RGPD4: variants seen among roughly 807,000 people sequenced by gnomAD.
RGPD4 encodes RANBP2 like and GRIP domain containing 4, also known as ranBP2-like and GRIP domain-containing protein 4.
A neutral mutation model predicts 141.1 loss-of-function variants in RGPD4; 84 were observed. The ratio of observed to expected loss-of-function variants is 0.60; its 90% CI spans 0.50 to 0.71. The LOEUF is 0.71. Ranked by LOEUF, RGPD4 falls within the 30% of genes least tolerant of loss-of-function variation. The probability of loss-of-function intolerance (pLI) is 0.00; values close to 1 mark genes in which losing one functional copy is unlikely to be tolerated. For missense variants in RGPD4, 918 were observed against 1,622.4 expected, an observed-to-expected ratio of 0.57 and a Z score of 7.46; for synonymous variants, 298 against 566.8, an observed-to-expected ratio of 0.53 and a Z score of 6.74.
At chr2:107,841,172 G>A (rs957133124) in intron 4 of RGPD4, among the ~76,000 whole-genome samples, 6 of 122,638 alleles carry the variant, frequency 4.9e-5, no homozygotes, top group Admixed American at 4.1e-4. Context: ...TCCCATATTG[G>A]GCGTGGCAAT....
intron 22 of RGPD4, among the ~76,000 whole-genome samples, chr2:107,889,534 G>GT (rs1459954198): frequency 7.5e-6 from 1 of 132,630 alleles, no homozygotes; most frequent in African/African-American, 2.9e-5. Flanking sequence ...AAAATACTAT[G>GT]TACAGTGTGA....
chr2:107,845,032 A>G (rs1418653420), intron 6 of RGPD4, among the ~76,000 whole-genome samples: 1 of 141,782 alleles, frequency 7.1e-6, no homozygotes, highest in African/African-American at 2.7e-5. Flanking sequence ...GACGGGGTTC[A>G]GGATGGTCTC....
chr2:107,887,067 A>G (rs1483369468), intron 22 of RGPD4, among the ~76,000 whole-genome samples: 2 of 147,634 alleles, frequency 1.4e-5, no homozygotes, highest in Non-Finnish European at 3.0e-5. Context: ...ACATGGCGAG[A>G]CCCTATGTCT....
intron 20 of RGPD4, among the ~76,000 whole-genome samples, chr2:107,873,773 A>G (rs1367104716): frequency 6.6e-6 from 1 of 151,580 alleles, no homozygotes; most frequent in East Asian, 1.9e-4. Context: ...GTTTCCTAAA[A>G]TGTTAAAAAA....
chr2:107,838,757 C>CTACA, intron 3 of RGPD4, 55 bp from the exon 4 acceptor site: 10 of 956,472 alleles, frequency 1.0e-5, no homozygotes, highest in African/African-American at 3.4e-5. Flanking sequence ...ATATATACTC[C>CTACA]TACATACATA....
intron 22 of RGPD4, among the ~76,000 whole-genome samples, chr2:107,885,079 T>A (rs1272106997): frequency 6.6e-6 from 1 of 152,178 alleles, no homozygotes; most frequent in Non-Finnish European, 1.5e-5. Flanking sequence ...ATAGCCACAA[T>A]AGTATTTTTG....
At chr2:107,853,973 C>A (rs1381374020) in intron 7 of RGPD4, among the ~76,000 whole-genome samples, 1 of 142,160 alleles carries the variant, frequency 7.0e-6, no homozygotes, top group Non-Finnish European at 1.5e-5. Flanking sequence ...TGGTCTTGAA[C>A]TCTGGGCTCA....
intron 22 of RGPD4, among the ~76,000 whole-genome samples, chr2:107,884,864 A>G (rs2581012): frequency 3.3e-5 from 5 of 152,144 alleles, no homozygotes; most frequent in African/African-American, 9.7e-5. Context: ...TGTTGCTGAT[A>G]CTTCTGGTCT....
At chr2:107,882,440 T>A (rs1334954301) in intron 21 of RGPD4, among the ~76,000 whole-genome samples, 3 of 151,434 alleles carry the variant, frequency 2.0e-5, no homozygotes, top group Non-Finnish European at 4.4e-5. Context: ...TGAAACTATC[T>A]CATAGTTGGA....
chr2:107,857,480 T>C (rs1682365553), intron 9 of RGPD4, among the ~76,000 whole-genome samples: 2 of 149,722 alleles, frequency 1.3e-5, no homozygotes, highest in South Asian at 4.3e-4. Context: ...TCACCTGGGC[T>C]GGAGTGTAGT....
intron 1 of RGPD4, among the ~76,000 whole-genome samples, chr2:107,829,621 G>A (rs1681392801): frequency 6.6e-6 from 1 of 152,076 alleles, no homozygotes; most frequent in South Asian, 2.1e-4. Context: ...CTCTGTTGAG[G>A]CGCCGGCCGG....
chr2:107,888,374 G>T (rs1283973035), intron 22 of RGPD4, among the ~76,000 whole-genome samples: 1 of 151,276 alleles, frequency 6.6e-6, no homozygotes, highest in African/African-American at 2.4e-5. Context: ...ACATACAACA[G>T]TGCATTTCAG....
chr2:107,886,116 G>T (rs1212017564), intron 22 of RGPD4, among the ~76,000 whole-genome samples: 2 of 145,132 alleles, frequency 1.4e-5, no homozygotes, highest in African/African-American at 5.1e-5. Flanking sequence ...AATTCAGCAT[G>T]GGAGAAACAA....
chr2:107,885,055 C>T (rs1336918460), intron 22 of RGPD4, among the ~76,000 whole-genome samples: 6 of 152,150 alleles, frequency 3.9e-5, no homozygotes, highest in East Asian at 3.9e-4. Context: ...CTTCAAACTA[C>T]AGGATAGGTT....
chr2:107,859,404 C>A lies in RGPD4; in HGVS notation c.1484C>A (p.Thr495Asn), dbSNP rs1348890441. 1.2e-6 allele frequency: 2 copies of A among 1,610,048 alleles called. No individual in the cohort carries two copies. Among genetic ancestry groups the A allele is most frequent in the Non-Finnish European group, 8.5e-7 (1 of 1,179,764 alleles). ...GTATTTCTCCTTGGAGTAGTATATA[C>A]CAGCCACTTACAATTAAAGGAGAAA... ...LEVFLLGVVY[T>N]SHLQLKEKCN... The change falls in exon 11 of 23, where the codon ACC (threonine) becomes AAC (asparagine). Residue 495 changes from threonine to asparagine, a missense_variant. By Grantham distance (65) the Thr-to-Asn change is moderately conservative (BLOSUM62 0). Coordinates refer to ENST00000408999, the MANE Select transcript of RGPD4 (RefSeq NM_182588.3).
In RGPD4 at chr2:107,848,486, T is replaced by C; in HGVS notation, c.928T>C (p.Trp310Arg). The C allele has an allele frequency of 5.1e-6, 1 of 195,436 alleles. No individual in the cohort carries two copies. Among genetic ancestry groups the C allele is most frequent in the South Asian group, 3.2e-5 (1 of 31,660 alleles). The allele number at this position is 195,436 out of a possible 1,614,324, so 12.1% of individuals were successfully genotyped here. ...GGGTCAGCATGGTAATAATGTTCAA[T>C]GGCGAGCTCTTTCTGAGCTGGCTGC... ...KMGQHGNNVQ[W>R]RALSELAALC... Residue 310 changes from tryptophan to arginine, a missense_variant, in exon 7 of 23, where the codon TGG becomes CGG. Coordinates refer to ENST00000408999, the MANE Select transcript of RGPD4 (RefSeq NM_182588.3).
In RGPD4 at chr2:107,851,138, T is replaced by C. The variant is rs1039041079; in HGVS notation, c.978+2602T>C. On this transcript the variant is annotated intron_variant, in intron 7 of 22. Coordinates refer to ENST00000408999, the MANE Select transcript of RGPD4 (RefSeq NM_182588.3). ...CCTACAATTTTTTGATATGTAGTTT[T>C]GGGAGGTGCTGTGGCTGGAGTGCAG... is the stretch of plus-strand genomic sequence containing the variant. 1.7e-4 allele frequency among the ~76,000 whole-genome samples: 10 copies of C among 59,898 alleles called. 4 individuals carry two copies. Among genetic ancestry groups the C allele is most frequent in the African/African-American group, 7.9e-4 (10 of 12,734 alleles). The allele number at this position is 59,898 out of a possible 152,430, so 39.3% of individuals were successfully genotyped here. A position where few individuals can be genotyped will look rare whatever the true frequency, so the allele number is the denominator to read the frequency against.
chr2:107,860,749 T>C lies in RGPD4; in HGVS notation c.1759-17T>C. 1 of 1,610,474 alleles carries C rather than the reference T, an allele frequency of 6.2e-7. No homozygotes were observed. Among genetic ancestry groups the C allele is most frequent in the South Asian group, 1.1e-5 (1 of 90,800 alleles). On this transcript the variant is annotated splice_polypyrimidine_tract_variant and intron_variant, in intron 12 of 22. Transcript: ENST00000408999. ...GCGTGTTCCTTAAAGTTGTGTGCTT[T>C]TAACTTTCTTTTTTAGGGCAGTGGT...
intron 22 of RGPD4, among the ~76,000 whole-genome samples, chr2:107,884,671 A>C (rs796976368): frequency 1.2e-4 from 17 of 141,384 alleles, no homozygotes; most frequent in East Asian, 6.2e-4. Context: ...CTTACTTTTG[A>C]CTGATTGACC....
Sources: gnomAD v4.1 joint callset for allele counts (sites outside exome capture counted in the v4.1 genomes callset) on GRCh38, gnomAD v4.1.1 for gene constraint, MANE v1.5 for transcripts, NCBI Gene and HGNC (gene_info 2026-07-23, HGNC 2026-07-21) for gene names.